The following STAU2 variants were observed in gnomAD, a reference collection of about 807,000 sequenced individuals.
STAU2 encodes the protein double-stranded RNA-binding protein Staufen homolog 2.
A neutral mutation model predicts 65.9 loss-of-function variants in STAU2; 20 were observed. The ratio of observed to expected loss-of-function variants is 0.30; its 90% CI spans 0.21 to 0.44. The LOEUF is 0.44. STAU2 is among the 20% of genes least tolerant of loss of function. The probability of loss-of-function intolerance (pLI) is 1.00; values close to 1 mark genes in which losing one functional copy is unlikely to be tolerated. For missense variants in STAU2, 558 were observed against 683.9 expected (o/e 0.82, Z 2.05); for synonymous variants, 232 against 233.9 (o/e 0.99, Z 0.07).
chr8:73,650,821 T>C (rs1815802941), intron 6 of STAU2, among the ~76,000 whole-genome samples: 1 of 152,182 alleles, frequency 6.6e-6, no homozygotes. Context: ...CAAAAGAAAG[T>C]TTCCTTTTCA....
chr8:73,532,446 C>T (rs565310667), intron 13 of STAU2, among the ~76,000 whole-genome samples: 7 of 151,858 alleles, frequency 4.6e-5, no homozygotes, highest in East Asian at 1.9e-4. Flanking sequence ...CCAGTGCTTT[C>T]GGAGGCCAAC....
At chr8:73,711,879 G>T (rs552678254) in intron 3 of STAU2, among the ~76,000 whole-genome samples, 1 of 152,202 alleles carries the variant, frequency 6.6e-6, no homozygotes, top group Non-Finnish European at 1.5e-5. Flanking sequence ...GTTTAAAGTT[G>T]ATAACTTAGG....
chr8:73,497,967 G>T (rs1024433124), intron 13 of STAU2, among the ~76,000 whole-genome samples: 3 of 151,770 alleles, frequency 2.0e-5, no homozygotes, highest in African/African-American at 7.2e-5. Flanking sequence ...AGTGAAAGCT[G>T]GTAATGATAC....
chr8:73,501,815 A>C (rs1821771538), intron 13 of STAU2, among the ~76,000 whole-genome samples: 1 of 152,054 alleles, frequency 6.6e-6, no homozygotes. Context: ...TTTGGCTCAC[A>C]AATTCAACCA....
chr8:73,426,157 G>A lies in STAU2; in HGVS notation c.1531-3455C>T, dbSNP rs547857272. 9.6e-5 allele frequency among the ~76,000 whole-genome samples: 14 copies of A among 146,100 alleles called. No individual in the cohort carries two copies. The East Asian group carries it at 2.6e-3, about 27-fold the overall frequency. On this transcript the variant is annotated intron_variant, in intron 13 of 14. Transcript: ENST00000524300. The stretch of plus-strand genomic sequence containing the variant: ...GTAGCCTGGATCATGTCTTAACACT[G>A]TAGGTAACCTGCTTTTTTTTTTTTC...
intron 12 of STAU2, among the ~76,000 whole-genome samples, chr8:73,572,752 A>C (rs1188597145): frequency 1.3e-5 from 2 of 152,204 alleles, no homozygotes; most frequent in Non-Finnish European, 2.9e-5. Flanking sequence ...GTATCTCAAA[A>C]TAATAAGAGC....
At chr8:73,489,078 A>AG (rs1205120310) in intron 13 of STAU2, among the ~76,000 whole-genome samples, 1 of 151,966 alleles carries the variant, frequency 6.6e-6, no homozygotes, top group East Asian at 1.9e-4. Context: ...TTTCAGCAGA[A>AG]GGAATTTTTT....
intron 4 of STAU2, 33 bp from the exon 5 acceptor site, chr8:73,688,846 T>G (rs953497643): frequency 2.5e-6 from 4 of 1,592,990 alleles, no homozygotes; most frequent in African/African-American, 2.7e-5. Context: ...AAGAAAACAT[T>G]AAGACTTTTC....
rs200832177 is a variant in STAU2, at chr8:73,673,186, C to T, written c.331G>A (p.Ala111Thr). The T allele has an allele frequency of 3.7e-6, 6 of 1,606,978 alleles. No individual in the cohort carries two copies. The South Asian group carries it at 4.4e-5, about 12-fold the overall frequency. The change falls in exon 6 of 15, where the codon GCC becomes ACC. Residue 111 changes from alanine (A) to threonine (T), a missense_variant. Physicochemically the swap from Ala to Thr is moderately conservative, Grantham distance 58. This residue lies in a region of STAU2 where 199 missense variants were observed against 299.5 expected (regional missense o/e 0.66). Transcript: ENST00000524300. ...TTTGGATCTAATGGCCTGTAGATGGCAGGCTCTCCCCTTTTCATAGCAAGC... is the reference window on the plus strand; with the variant it reads ...TTTGGATCTAATGGCCTGTAGATGGTAGGCTCTCCCCTTTTCATAGCAAGC... ...NGLAMKRGEP[A>T]IYRPLDPKPF...
chr8:73,659,693 G>C (rs1816681683), intron 6 of STAU2, among the ~76,000 whole-genome samples: 1 of 152,060 alleles, frequency 6.6e-6, no homozygotes, highest in African/African-American at 2.4e-5. Context: ...AATAAACCAA[G>C]TATTTTTCAG....
rs570750868 is a variant in STAU2, at chr8:73,547,585, T to C, written c.1530+4427A>G. Among the ~76,000 whole-genome samples the C allele has an allele frequency of 4.6e-5, 7 of 152,312 alleles. No homozygotes were observed. In the Middle Eastern group the frequency reaches 0.01, roughly 222 times the overall value. On this transcript the variant is annotated intron_variant, in intron 13 of 14. Coordinates refer to ENST00000524300, the MANE Select transcript of STAU2 (RefSeq NM_001164380.2). ...GAAGACCAAGCCTTCAAGAGAGTTCTAACACATACTTAAGTCTTTCCAAGG... is the reference window on the plus strand; with the variant it reads ...GAAGACCAAGCCTTCAAGAGAGTTCCAACACATACTTAAGTCTTTCCAAGG...
chr8:73,444,594 C>G (rs999987472), intron 13 of STAU2, among the ~76,000 whole-genome samples: 1 of 152,120 alleles, frequency 6.6e-6, no homozygotes, highest in Admixed American at 6.5e-5. Context: ...TACTCACTTG[C>G]TGAGGAATCT....
chr8:73,544,624 A>T (rs1036451737), intron 13 of STAU2, among the ~76,000 whole-genome samples: 1 of 152,222 alleles, frequency 6.6e-6, no homozygotes, highest in Admixed American at 6.5e-5. Context: ...ACATATTTCA[A>T]ATATTCCCTC....
intron 6 of STAU2, among the ~76,000 whole-genome samples, chr8:73,654,637 CAAAAAAAAAAAAA>C (rs71269928): frequency 1.1e-4 from 3 of 26,308 alleles, no homozygotes; most frequent in Non-Finnish European, 2.0e-4. Flanking sequence ...AAGATTGTCT[CAAAAAAAAAAAAA>C]AAAAAAAAAA....
intron 13 of STAU2, among the ~76,000 whole-genome samples, chr8:73,468,457 G>A (rs1351353735): frequency 1.3e-5 from 2 of 152,104 alleles, no homozygotes; most frequent in African/African-American, 4.8e-5. Flanking sequence ...TGACAAATGG[G>A]ATCTAATTAA....
chr8:73,710,172 T>C (rs1163212174), intron 3 of STAU2, among the ~76,000 whole-genome samples: 2 of 152,050 alleles, frequency 1.3e-5, no homozygotes, highest in Non-Finnish European at 2.9e-5. Flanking sequence ...AATCAAATAT[T>C]TTAATTTCTG....
intron 6 of STAU2, among the ~76,000 whole-genome samples, chr8:73,662,271 C>A (rs920155129): frequency 9.2e-5 from 14 of 152,014 alleles, no homozygotes; most frequent in African/African-American, 3.4e-4. Context: ...TTCTGAAGTC[C>A]TCTTTCAAAT....
intron 3 of STAU2, among the ~76,000 whole-genome samples, chr8:73,712,209 T>C (rs73689033): frequency 1.3e-5 from 2 of 152,140 alleles, no homozygotes; most frequent in African/African-American, 4.8e-5. Context: ...TTTGAAATAG[T>C]CTTCAAGTCC....
At chr8:73,694,770 G>A (rs958627351) in intron 4 of STAU2, among the ~76,000 whole-genome samples, 3 of 152,214 alleles carry the variant, frequency 2.0e-5, no homozygotes, top group Non-Finnish European at 2.9e-5. Context: ...GCCATGTGGC[G>A]TGGAGAGAAA....
Sources: allele counts gnomAD v4.1 joint callset (sites outside exome capture counted in the v4.1 genomes callset), GRCh38; gene constraint gnomAD v4.1.1; regional missense constraint gnomAD v4.1.1; transcripts MANE v1.5; gene names NCBI Gene and HGNC (gene_info 2026-07-23, HGNC 2026-07-21).